Variants in AFG1L observed in about 807,000 individuals in gnomAD.
AFG1L encodes the protein AFG1 like ATPase.
A neutral mutation model predicts 62.2 loss-of-function variants in AFG1L; 53 were observed. That is an observed-to-expected ratio of 0.85 (90% CI 0.68 to 1.07). The LOEUF (loss-of-function observed/expected upper bound fraction) is 1.07. Among genes scored for constraint, AFG1L ranks in the 50% least tolerant of loss-of-function variants. The pLI is 0.00. For missense variants in AFG1L, 555 were observed against 590.5 expected (o/e 0.94, Z 0.62); for synonymous variants, 228 against 210.3 (o/e 1.08, Z -0.73).
chr6:108,400,040 A>C (rs1477113189), intron 6 of AFG1L, among the ~76,000 whole-genome samples: 1 of 152,026 alleles, frequency 6.6e-6, no homozygotes, highest in African/African-American at 2.4e-5. Flanking sequence ...CGGCCTCCCA[A>C]AGTGCTAGGA....
chr6:108,366,014 AT>A (rs1779742472), intron 5 of AFG1L, among the ~76,000 whole-genome samples: 1 of 152,082 alleles, frequency 6.6e-6, no homozygotes, highest in Non-Finnish European at 1.5e-5. Flanking sequence ...CCATTTGGTA[AT>A]TTGTGTAGAA....
intron 2 of AFG1L, among the ~76,000 whole-genome samples, chr6:108,328,539 T>A (rs1381184791): frequency 6.6e-6 from 1 of 151,464 alleles, no homozygotes; most frequent in Non-Finnish European, 1.5e-5. Flanking sequence ...GGACTACAGG[T>A]GCATGCCACC....
intron 10 of AFG1L, among the ~76,000 whole-genome samples, chr6:108,504,725 C>T (rs145560447): frequency 1.1e-3 from 171 of 152,296 alleles, no homozygotes; most frequent in Admixed American, 2.5e-3. Context: ...TAAAATGAAG[C>T]ACAATAAAAT....
intron 8 of AFG1L, among the ~76,000 whole-genome samples, chr6:108,472,943 C>T (rs894583292): frequency 6.6e-6 from 1 of 151,892 alleles, no homozygotes; most frequent in Non-Finnish European, 1.5e-5. Flanking sequence ...GCTGGGATCA[C>T]AGGCACGCAC....
chr6:108,436,486 G>A (rs1013673443), intron 7 of AFG1L, among the ~76,000 whole-genome samples: 8 of 152,148 alleles, frequency 5.3e-5, no homozygotes, highest in Admixed American at 3.3e-4. Context: ...TTATTGCAAC[G>A]TAGCTATTTC....
intron 12 of AFG1L, 139 bp from the exon 13 acceptor site, chr6:108,522,158 T>C (rs1582701123): frequency 1.6e-6 from 1 of 625,566 alleles, no homozygotes; most frequent in African/African-American, 1.8e-5. Flanking sequence ...ATTTAAGAGA[T>C]TGTATATGGA....
At chr6:108,434,790 A>C (rs1057337816) in intron 7 of AFG1L, among the ~76,000 whole-genome samples, 8 of 152,208 alleles carry the variant, frequency 5.3e-5, no homozygotes, top group Admixed American at 2.0e-4. Flanking sequence ...ATGCAACTGA[A>C]AGCATCCTAA....
intron 7 of AFG1L, among the ~76,000 whole-genome samples, chr6:108,420,454 A>G (rs1028557684): frequency 1.3e-5 from 2 of 149,182 alleles, no homozygotes; most frequent in African/African-American, 2.4e-5. Context: ...ATTAAAACAT[A>G]TATTCCATAT....
In AFG1L at chr6:108,401,568, C is replaced by G. The variant is rs541722846; in HGVS notation, c.749-428C>G. Among the ~76,000 whole-genome samples, 6 of 152,304 alleles carry G rather than the reference C, an allele frequency of 3.9e-5. No homozygotes were observed. In the East Asian group the frequency reaches 5.8e-4, roughly 15 times the overall value. On this transcript the variant is annotated intron_variant, in intron 6 of 12. Coordinates refer to ENST00000368977, the MANE Select transcript of AFG1L (RefSeq NM_145315.5). ...GTGCTAGGATTACAGGCATGAGCTA[C>G]TGAGCCCGTCCAAGTTCTTTACTAA...
chr6:108,344,762 G>GT (rs1310803364), intron 2 of AFG1L: 2 of 471,110 alleles, frequency 4.2e-6, no homozygotes, highest in South Asian at 1.5e-5. Context: ...GTCATACCTT[G>GT]TTTTTTGCAC....
intron 6 of AFG1L, among the ~76,000 whole-genome samples, chr6:108,381,554 A>G (rs1366111286): frequency 1.3e-5 from 2 of 152,066 alleles, no homozygotes; most frequent in Non-Finnish European, 2.9e-5. Context: ...TCTAGCCTGG[A>G]CAACATAGGA....
chr6:108,309,686 T>C (rs569922072), intron 1 of AFG1L, among the ~76,000 whole-genome samples: 16 of 152,364 alleles, frequency 1.1e-4, no homozygotes, highest in African/African-American at 3.6e-4. Flanking sequence ...GTAGGTTTTA[T>C]GAAGTCTAAA....
chr6:108,324,785 C>T (rs575037349), intron 2 of AFG1L, among the ~76,000 whole-genome samples: 2 of 152,010 alleles, frequency 1.3e-5, no homozygotes, highest in Non-Finnish European at 2.9e-5. Context: ...CCTTTGCCTC[C>T]TGGATTCAAG....
rs1778888253 is a variant in AFG1L at position 108,347,016 on chromosome 6, G to T, written c.392G>T (p.Gly131Val). 6.2e-7 allele frequency: 1 copy of T among 1,613,160 alleles called. No individual in the cohort carries two copies. Among genetic ancestry groups the T allele is most frequent in the African/African-American group, 1.3e-5 (1 of 74,890 alleles). ...TTTTCAAGGAGCAAACCTCCAAGGGGCCTGTATGTTTATGGAGATGTTGGT... is the reference window on the plus strand; with the variant it reads ...TTTTCAAGGAGCAAACCTCCAAGGGTCCTGTATGTTTATGGAGATGTTGGT... Reference protein sequence around the residue: ...KLFSRSKPPRGLYVYGDVGTG... With the variant: ...KLFSRSKPPRVLYVYGDVGTG... The change falls in exon 3 of 13, where the codon GGC becomes GTC. Residue 131 changes from glycine (G) to valine (V), a missense_variant. Gly to Val is a moderately radical substitution (Grantham distance 109). Transcript: ENST00000368977.
At chr6:108,430,222 G>A (rs917998260) in intron 7 of AFG1L, among the ~76,000 whole-genome samples, 7 of 152,154 alleles carry the variant, frequency 4.6e-5, no homozygotes, top group African/African-American at 1.7e-4. Context: ...GCTAAATACA[G>A]GTGTGAGCCA....
intron 6 of AFG1L, among the ~76,000 whole-genome samples, chr6:108,400,800 T>C (rs1173193146): frequency 8.2e-6 from 1 of 122,442 alleles, no homozygotes. Flanking sequence ...AATTATATAA[T>C]ATATAATAAA....
chr6:108,435,776 G>T (rs980220845), intron 7 of AFG1L, among the ~76,000 whole-genome samples: 2 of 152,176 alleles, frequency 1.3e-5, no homozygotes, highest in African/African-American at 4.8e-5. Flanking sequence ...GCAGAACATA[G>T]CTGGAAGAAT....
At chr6:108,311,641 T>G (rs57685509) in intron 1 of AFG1L, among the ~76,000 whole-genome samples, 4 of 150,508 alleles carry the variant, frequency 2.7e-5, no homozygotes, top group Non-Finnish European at 4.4e-5. Context: ...GGATTACAGA[T>G]GCACTCCACC....
chr6:108,458,803 C>CT (rs199584483), intron 8 of AFG1L, among the ~76,000 whole-genome samples: 68 of 150,890 alleles, frequency 4.5e-4, no homozygotes, highest in Middle Eastern at 3.4e-3. Context: ...GCCTTTCATG[C>CT]TTTTTTTTTA....
Sources: allele counts gnomAD v4.1 joint callset (sites outside exome capture counted in the v4.1 genomes callset), GRCh38; gene constraint gnomAD v4.1.1; transcripts MANE v1.5; gene names NCBI Gene and HGNC (gene_info 2026-07-23, HGNC 2026-07-21).